CNTNAP2: variants seen among roughly 807,000 people sequenced by gnomAD.
CNTNAP2 encodes contactin associated protein 2, also known as contactin-associated protein-like 2.
In CNTNAP2, 98 loss-of-function variants were observed where a neutral mutation model predicts 155.2. The observed-to-expected ratio is 0.63, with a 90% confidence interval of 0.54 to 0.75. The LOEUF is 0.75. CNTNAP2 is among the 30% of genes least tolerant of loss of function. The pLI is 0.00. For synonymous variants in CNTNAP2, 651 were observed against 631.2 expected (o/e 1.03, Z -0.47); for missense variants, 1,727 against 1,688.1 (o/e 1.02, Z -0.40).
intron 1 of CNTNAP2, among the ~76,000 whole-genome samples, chr7:146,504,789 G>A (rs937759020): frequency 2.0e-5 from 3 of 152,158 alleles, no homozygotes; most frequent in Admixed American, 6.5e-5. Context: ...GGCCAATCCT[G>A]TTTGCTGGCA....
chr7:146,178,056 C>T (rs1055047178), intron 1 of CNTNAP2, among the ~76,000 whole-genome samples: 34 of 151,884 alleles, frequency 2.2e-4, no homozygotes, highest in Admixed American at 1.9e-3. Context: ...TTTTTTGAGA[C>T]GGAGTCTCGT....
At chr7:146,714,349 G>A (rs1259310508) in intron 1 of CNTNAP2, among the ~76,000 whole-genome samples, 1 of 152,134 alleles carries the variant, frequency 6.6e-6, no homozygotes, top group Non-Finnish European at 1.5e-5. Context: ...ATAACTATTT[G>A]CCTTTGAGTA....
chr7:147,116,553 G>A (rs552221836), intron 5 of CNTNAP2, among the ~76,000 whole-genome samples: 123 of 151,932 alleles, frequency 8.1e-4, no homozygotes, highest in African/African-American at 2.9e-3. Flanking sequence ...ATGGATGGGG[G>A]GATGGGGCAG....
intron 14 of CNTNAP2, chr7:147,940,142 T>A (rs918958772): frequency 2.0e-5 from 3 of 151,892 alleles, no homozygotes; most frequent in African/African-American, 7.3e-5. Flanking sequence ...TCAATATGGT[T>A]AATTCCTGGG....
chr7:146,355,609 G>A (rs1343406811), intron 1 of CNTNAP2, among the ~76,000 whole-genome samples: 1 of 152,100 alleles, frequency 6.6e-6, no homozygotes, highest in Non-Finnish European at 1.5e-5. Flanking sequence ...GATTCCATAA[G>A]AAAATAATGC....
At chr7:147,178,428 C>T (rs1802390920) in intron 8 of CNTNAP2, among the ~76,000 whole-genome samples, 1 of 152,178 alleles carries the variant, frequency 6.6e-6, no homozygotes. Flanking sequence ...GAATGTAGTC[C>T]TGCCAACACT....
chr7:147,283,292 C>A (rs1805088095), intron 8 of CNTNAP2, among the ~76,000 whole-genome samples: 1 of 151,450 alleles, frequency 6.6e-6, no homozygotes, highest in Non-Finnish European at 1.5e-5. Context: ...GGAAAAAGTC[C>A]ATATTATGAT....
At chr7:146,231,042 A>ATAAATAAATAAG (rs76111973) in intron 1 of CNTNAP2, among the ~76,000 whole-genome samples, 2,104 of 150,482 alleles carry the variant, frequency 0.014, 37 homozygotes, top group Admixed American at 0.032. Flanking sequence ...AAATAAATAA[A>ATAAATAAATAAG]AAGTTAATAT....
intron 16 of CNTNAP2, among the ~76,000 whole-genome samples, chr7:148,124,379 A>G (rs1804668870): frequency 1.3e-5 from 2 of 152,226 alleles, no homozygotes; most frequent in Admixed American, 1.3e-4. Flanking sequence ...CATCACTAAC[A>G]ACCATGGATC....
chr7:147,819,492 A>G (rs1178683598), intron 13 of CNTNAP2, among the ~76,000 whole-genome samples: 2 of 152,068 alleles, frequency 1.3e-5, no homozygotes, highest in Non-Finnish European at 2.9e-5. Flanking sequence ...AATTTTACTT[A>G]TATTGTTATT....
intron 12 of CNTNAP2, among the ~76,000 whole-genome samples, chr7:147,625,971 G>T (rs1794964127): frequency 6.6e-6 from 1 of 152,158 alleles, no homozygotes; most frequent in African/African-American, 2.4e-5. Context: ...AAATATAAAA[G>T]TAGAAGTAGC....
chr7:147,689,922 T>G (rs1388792774), intron 13 of CNTNAP2, among the ~76,000 whole-genome samples: 1 of 152,160 alleles, frequency 6.6e-6, no homozygotes, highest in African/African-American at 2.4e-5. Flanking sequence ...TCCTTTCAAC[T>G]AAAGCACCAA....
At chr7:146,397,338 C>T (rs1180989669) in intron 1 of CNTNAP2, among the ~76,000 whole-genome samples, 7 of 152,206 alleles carry the variant, frequency 4.6e-5, no homozygotes, top group African/African-American at 1.7e-4. Flanking sequence ...CAGCAATGAT[C>T]CTTGGTCATT....
intron 13 of CNTNAP2, among the ~76,000 whole-genome samples, chr7:147,776,957 A>T (rs566460581): frequency 1.3e-5 from 2 of 151,940 alleles, no homozygotes; most frequent in Non-Finnish European, 2.9e-5. Flanking sequence ...CTCTTTTGAA[A>T]AGTCATACTT....
intron 1 of CNTNAP2, among the ~76,000 whole-genome samples, chr7:146,691,961 A>C (rs934640348): frequency 6.6e-6 from 1 of 152,152 alleles, no homozygotes; most frequent in Non-Finnish European, 1.5e-5. Flanking sequence ...AAGGTCCTAA[A>C]ACCCATTACG....
At chr7:146,132,492 G>A (rs562693666) in intron 1 of CNTNAP2, among the ~76,000 whole-genome samples, 1 of 151,550 alleles carries the variant, frequency 6.6e-6, no homozygotes, top group South Asian at 2.1e-4. Context: ...GTATACATGT[G>A]CCATGCTGGT....
chr7:146,388,076 GT>G (rs1458858739), intron 1 of CNTNAP2, among the ~76,000 whole-genome samples: 3 of 149,354 alleles, frequency 2.0e-5, no homozygotes, highest in African/African-American at 7.4e-5. Context: ...CTCTTGATAT[GT>G]TTTAGTTTCT....
At chr7:146,191,116 G>T (rs1047602138) in intron 1 of CNTNAP2, among the ~76,000 whole-genome samples, 2 of 78,176 alleles carry the variant, frequency 2.6e-5, no homozygotes, top group Non-Finnish European at 5.3e-5. Context: ...TTCAGATATC[G>T]GGGGAACCAC....
At position 148,418,867 on chromosome 7, in the gene CNTNAP2, A is replaced by C. The variant is rs1312266324; in HGVS notation, c.*3251A>C. ...AGCATCCTTTACTAACAAGAGCAGG[A>C]ATTCAGAGGCACAAGAAAAAGCATT... On this transcript the variant is annotated 3_prime_UTR_variant, in exon 24 of 24. Transcript: ENST00000361727. The C allele has an allele frequency of 6.6e-6, 1 of 152,230 alleles. No individual in the cohort carries two copies. Among genetic ancestry groups the C allele is most frequent in the Non-Finnish European group, 1.5e-5 (1 of 68,048 alleles). 9.4% of individuals were successfully genotyped at this position (152,230 alleles called of 1,614,324 possible). A position where few individuals can be genotyped will look rare whatever the true frequency, so the allele number is the denominator to read the frequency against.
Sources: allele counts gnomAD v4.1 joint callset (sites outside exome capture counted in the v4.1 genomes callset), GRCh38; gene constraint gnomAD v4.1.1; transcripts MANE v1.5; gene names NCBI Gene and HGNC (gene_info 2026-07-23, HGNC 2026-07-21).